DLG2: variants seen among roughly 807,000 people sequenced by gnomAD.
DLG2 encodes disks large homolog 2.
A neutral mutation model predicts 132.5 loss-of-function variants in DLG2; 45 were observed. The ratio of observed to expected loss-of-function variants is 0.34; its 90% CI spans 0.27 to 0.44. The LOEUF (loss-of-function observed/expected upper bound fraction) is 0.44. Among genes scored for constraint, DLG2 ranks in the 20% least tolerant of loss-of-function variants. The pLI, the probability that DLG2 is intolerant of heterozygous loss-of-function variation, is 1.00. For synonymous variants in DLG2, 424 were observed against 419.6 expected (o/e 1.01, Z -0.13); for missense variants, 1,045 against 1,196.9 (o/e 0.87, Z 1.87).
intron 3 of DLG2, among the ~76,000 whole-genome samples, chr11:85,494,372 G>T (rs1006145124): frequency 6.6e-6 from 1 of 152,066 alleles, no homozygotes; most frequent in Non-Finnish European, 1.5e-5. Context: ...GAACAAAATA[G>T]CTCAGTGTGT....
Position 84,440,143 on chromosome 11 carries a change from A to AT in DLG2, c.519+94426dup, listed in dbSNP as rs1261077848. ...CACACCTGACCAAGAGGCTTTATAA[A>AT]TTTTTTTATAGTACAAGATCCTTAT... is the stretch of plus-strand genomic sequence containing the variant. On this transcript the variant is annotated intron_variant, in intron 7 of 27. Coordinates refer to ENST00000376104, the MANE Select transcript of DLG2 (RefSeq NM_001142699.3). 2.0e-5 allele frequency among the ~76,000 whole-genome samples: 3 copies of AT among 152,224 alleles called. No homozygotes were observed. The East Asian group carries it at 5.8e-4, about 29-fold the overall frequency.
chr11:84,732,536 A>G (rs2063281970), intron 6 of DLG2, among the ~76,000 whole-genome samples: 1 of 151,858 alleles, frequency 6.6e-6, no homozygotes, highest in Non-Finnish European at 1.5e-5. Flanking sequence ...ACATCTTTTC[A>G]TGTGGTTTTT....
intron 10 of DLG2, 142 bp downstream of exon 10, chr11:84,098,781 A>G (rs2154178790): frequency 1.0e-6 from 1 of 962,576 alleles, no homozygotes; most frequent in African/African-American, 1.7e-5. Flanking sequence ...AAAGATCTGC[A>G]AAGTCATTTC....
intron 3 of DLG2, among the ~76,000 whole-genome samples, chr11:85,380,009 A>G (rs745383236): frequency 1.3e-4 from 20 of 152,220 alleles, no homozygotes; most frequent in Admixed American, 1.3e-4. Flanking sequence ...TACTATCTGT[A>G]TCAACAAAAT....
At chr11:83,467,771 G>GTGTA (rs1283789103) in intron 25 of DLG2, among the ~76,000 whole-genome samples, 153 of 85,000 alleles carry the variant, frequency 1.8e-3, no homozygotes, top group Middle Eastern at 7.6e-3. Flanking sequence ...AAAACTATAT[G>GTGTA]TATATATATA....
chr11:84,707,727 G>C lies in DLG2; in HGVS notation c.358-172996C>G, dbSNP rs143406624. 6.5e-4 allele frequency among the ~76,000 whole-genome samples: 99 copies of C among 151,932 alleles called. 2 individuals carry two copies. In the South Asian group the frequency reaches 0.012, roughly 19 times the overall value. On this transcript the variant is annotated intron_variant, in intron 6 of 27. Transcript: ENST00000376104. ...ATTGCACAGATGGAATTTTACCTGA[G>C]AGTATGCATTAGCTGAGCCCTCTGT...
At chr11:83,517,288 T>A (rs2095328618) in intron 21 of DLG2, among the ~76,000 whole-genome samples, 1 of 152,250 alleles carries the variant, frequency 6.6e-6, no homozygotes, top group South Asian at 2.1e-4. Context: ...CCATCACTGA[T>A]ACCCTTTCTT....
intron 5 of DLG2, among the ~76,000 whole-genome samples, chr11:85,138,565 C>T (rs182543461): frequency 6.6e-6 from 1 of 152,256 alleles, no homozygotes; most frequent in East Asian, 1.9e-4. Flanking sequence ...GTTGTGTCCC[C>T]ACCCAAATCT....
At chr11:84,865,486 T>C (rs1265282255) in intron 6 of DLG2, among the ~76,000 whole-genome samples, 6 of 152,212 alleles carry the variant, frequency 3.9e-5, no homozygotes, top group African/African-American at 1.2e-4. Flanking sequence ...TGACTCAGAA[T>C]GGCCCTATGC....
chr11:85,259,987 G>A (rs1003744382), intron 4 of DLG2, among the ~76,000 whole-genome samples: 2 of 151,848 alleles, frequency 1.3e-5, no homozygotes, highest in African/African-American at 4.8e-5. Flanking sequence ...GTGAGCATTG[G>A]GCTAAGGTAC....
At chr11:84,569,890 G>A (rs2099473862) in intron 6 of DLG2, among the ~76,000 whole-genome samples, 2 of 152,126 alleles carry the variant, frequency 1.3e-5, no homozygotes, top group South Asian at 2.1e-4. Flanking sequence ...AGAGATAAAT[G>A]AACATCCACT....
intron 6 of DLG2, among the ~76,000 whole-genome samples, chr11:85,080,448 C>T (rs1183819015): frequency 1.3e-5 from 2 of 152,048 alleles, no homozygotes; most frequent in Non-Finnish European, 2.9e-5. Context: ...AATATTAACT[C>T]ATAGAACAAA....
intron 19 of DLG2, among the ~76,000 whole-genome samples, chr11:83,614,996 T>C (rs939774849): frequency 2.6e-5 from 4 of 152,214 alleles, no homozygotes; most frequent in African/African-American, 9.6e-5. Flanking sequence ...CAGCATTTCT[T>C]TGTGTTTTCA....
intron 6 of DLG2, among the ~76,000 whole-genome samples, chr11:84,842,586 G>A (rs527823606): frequency 3.1e-4 from 47 of 151,986 alleles, no homozygotes; most frequent in East Asian, 1.2e-3. Context: ...CAAATGCCCC[G>A]TCCAGAGCAC....
At chr11:83,568,788 T>C (rs989515299) in intron 19 of DLG2, among the ~76,000 whole-genome samples, 1 of 152,132 alleles carries the variant, frequency 6.6e-6, no homozygotes, top group Non-Finnish European at 1.5e-5. Context: ...CCCTCCCAGG[T>C]TGTCATGAGT....
chr11:85,118,542 T>C (rs540192267), intron 5 of DLG2, among the ~76,000 whole-genome samples: 4 of 152,188 alleles, frequency 2.6e-5, no homozygotes, highest in East Asian at 1.9e-4. Context: ...GAAACCATTG[T>C]TGTGACTTGA....
chr11:83,612,598 G>A (rs1566054002), intron 19 of DLG2, among the ~76,000 whole-genome samples: 1 of 152,108 alleles, frequency 6.6e-6, no homozygotes. Flanking sequence ...TCACCATCTA[G>A]GGAGGAAAAT....
At chr11:83,908,869 G>A (rs2075537622) in intron 15 of DLG2, among the ~76,000 whole-genome samples, 1 of 152,074 alleles carries the variant, frequency 6.6e-6, no homozygotes, top group Non-Finnish European at 1.5e-5. Flanking sequence ...CAGTAGCTAG[G>A]ACTATAGGCC....
chr11:84,004,460 A>T (rs956758731), intron 11 of DLG2, among the ~76,000 whole-genome samples: 1 of 152,096 alleles, frequency 6.6e-6, no homozygotes, highest in Non-Finnish European at 1.5e-5. Context: ...GCCATATATG[A>T]CTAACACACA....
Sources: allele counts gnomAD v4.1 joint callset (sites outside exome capture counted in the v4.1 genomes callset), GRCh38; gene constraint gnomAD v4.1.1; transcripts MANE v1.5; gene names NCBI Gene and HGNC (gene_info 2026-07-23, HGNC 2026-07-21).